The following IL7 variants were observed in gnomAD, a reference collection of about 807,000 sequenced individuals.
IL7 encodes interleukin-7.
In IL7, 3 loss-of-function variants were observed where a neutral mutation model predicts 21.6. That is an observed-to-expected ratio of 0.14 (90% CI 0.06 to 0.36). The LOEUF is 0.36. IL7 is among the 10% of genes least tolerant of loss of function. IL7 has a pLI of 1.00. For missense variants in IL7, 175 were observed against 200.2 expected (o/e 0.87, Z 0.76); for synonymous variants, 62 against 68.1 (o/e 0.91, Z 0.44).
intron 2 of IL7, among the ~76,000 whole-genome samples, chr8:78,795,456 A>G (rs1343640433): frequency 6.6e-6 from 1 of 152,034 alleles, no homozygotes; most frequent in African/African-American, 2.4e-5. Context: ...TAAGAAGAGT[A>G]GCCATGTTTT....
intron 2 of IL7, among the ~76,000 whole-genome samples, chr8:78,771,923 C>T (rs1231075967): frequency 1.3e-5 from 2 of 152,108 alleles, no homozygotes; most frequent in African/African-American, 4.8e-5. Context: ...CCTCTCTTAA[C>T]TGAGATTTTT....
chr8:78,694,642 A>G (rs982797986), intron 3 of IL7, among the ~76,000 whole-genome samples: 1 of 152,064 alleles, frequency 6.6e-6, no homozygotes, highest in Admixed American at 6.5e-5. Flanking sequence ...TTTCCTGAGC[A>G]TTTTTAGTTG....
chr8:78,793,269 G>C (rs1181398558), intron 2 of IL7, among the ~76,000 whole-genome samples: 1 of 152,054 alleles, frequency 6.6e-6, no homozygotes, highest in Admixed American at 6.6e-5. Context: ...CTGCTAATGG[G>C]TAGAATATTT....
rs577618695 is a variant in IL7, at chr8:78,738,175, T to A, written c.360+329A>T. On this transcript the variant is annotated intron_variant, in intron 4 of 5. Transcript: ENST00000263851. ...TCTTGTAAATGTGTACATATATGGATTAAAGCTATTAATAAGTTTTAGATA... is the reference window on the plus strand; with the variant it reads ...TCTTGTAAATGTGTACATATATGGAATAAAGCTATTAATAAGTTTTAGATA... 5.3e-5 allele frequency among the ~76,000 whole-genome samples: 8 copies of A among 152,314 alleles called. No homozygotes were observed. The South Asian group carries it at 8.3e-4, about 16-fold the overall frequency.
At chr8:78,782,207 A>T (rs1813355995) in intron 2 of IL7, among the ~76,000 whole-genome samples, 1 of 152,136 alleles carries the variant, frequency 6.6e-6, no homozygotes, top group Non-Finnish European at 1.5e-5. Flanking sequence ...TCTGAAGCCT[A>T]CTTCTGCCAG....
chr8:78,687,802 AT>A (rs1483967096), intron 3 of IL7, among the ~76,000 whole-genome samples: 7 of 136,268 alleles, frequency 5.1e-5, no homozygotes, highest in African/African-American at 1.6e-4. Flanking sequence ...CATTATATAT[AT>A]TCATGTAATA....
At chr8:78,687,612 TTA>T (rs1281174211) in intron 3 of IL7, among the ~76,000 whole-genome samples, 3 of 135,558 alleles carry the variant, frequency 2.2e-5, no homozygotes, top group African/African-American at 2.7e-5. Flanking sequence ...ACATAATACA[TTA>T]TATATATTTA....
At chr8:78,743,625 G>C (rs1811874849) in intron 2 of IL7, among the ~76,000 whole-genome samples, 1 of 152,032 alleles carries the variant, frequency 6.6e-6, no homozygotes, top group South Asian at 2.1e-4. Flanking sequence ...CCTATCAGGA[G>C]GATTAAGTAC....
intron 3 of IL7, chr8:78,686,710 G>A: frequency 4.1e-6 from 5 of 1,217,126 alleles, no homozygotes; most frequent in Non-Finnish European, 5.3e-6. Context: ...ATCATGGAGT[G>A]TTATGAGGCA....
chr8:78,697,420 C>A, intron 3 of IL7: 1 of 1,598,328 alleles, frequency 6.3e-7, no homozygotes, highest in Non-Finnish European at 8.5e-7. Flanking sequence ...AAGCCACCCG[C>A]ACTTAAAAAG....
chr8:78,693,622 C>T (rs1387274930), intron 3 of IL7, among the ~76,000 whole-genome samples: 2 of 151,982 alleles, frequency 1.3e-5, no homozygotes, highest in African/African-American at 2.4e-5. Context: ...ATTGTAGATT[C>T]TGGATATTAG....
intron 1 of IL7, 64 bp from the exon 2 acceptor site, chr8:78,798,272 T>G: frequency 8.7e-7 from 1 of 1,154,160 alleles, no homozygotes; most frequent in Non-Finnish European, 1.2e-6. Context: ...ATTGTGGGGT[T>G]TCAATGGACT....
At chr8:78,760,666 A>G in intron 2 of IL7, 2 of 1,594,368 alleles carry the variant, frequency 1.3e-6, no homozygotes, top group South Asian at 2.2e-5. Flanking sequence ...TAAGTTCCTG[A>G]ATAATGTGCT....
intron 3 of IL7, chr8:78,689,238 A>G (rs757419307): frequency 2.5e-6 from 4 of 1,577,792 alleles, no homozygotes; most frequent in South Asian, 2.4e-5. Flanking sequence ...TTCAATGTCC[A>G]TATTGTCAGA....
Position 78,755,369 on chromosome 8 carries a change from AT to A in IL7, c.148-15288del, listed in dbSNP as rs1168468034. On this transcript the variant is annotated intron_variant, in intron 2 of 5. Transcript: ENST00000263851. ...TTTTTCTCTTTCTGTGAAAAATGTC[AT>A]TGGTATTATGATAGGGATTGCATTA... 3.9e-5 allele frequency among the ~76,000 whole-genome samples: 6 copies of A among 152,090 alleles called. 1 individual carries two copies. In the South Asian group the frequency reaches 6.2e-4, roughly 16 times the overall value.
chr8:78,682,975 A>G (rs1166910079), intron 4 of IL7, among the ~76,000 whole-genome samples: 1 of 152,232 alleles, frequency 6.6e-6, no homozygotes, highest in East Asian at 1.9e-4. Flanking sequence ...TAAAGCTCTG[A>G]AACGATCTCC....
At chr8:78,715,270 C>T (rs139814140), downstream of IL7, 2,434 of 1,613,876 alleles carry the variant, frequency 1.5e-3, 5 homozygotes, top group Non-Finnish European at 1.9e-3. Flanking sequence ...GGCAAGAAAT[C>T]CTGCCCCAGG....
rs145124623 is a variant in IL7, at chr8:78,789,188, A to G, written c.147+8884T>C. On this transcript the variant is annotated intron_variant, in intron 2 of 5. Transcript: ENST00000263851. Reference sequence around the variant, plus strand: ...CTCAGGCAGTCTCTATCTTTTAATTAGTCTATTTTTCTTTAATTTTTATAA... The same window carrying G: ...CTCAGGCAGTCTCTATCTTTTAATTGGTCTATTTTTCTTTAATTTTTATAA... Among the ~76,000 whole-genome samples, 47 of 152,246 alleles carry G rather than the reference A, an allele frequency of 3.1e-4. 1 individual carries two copies. The East Asian group carries it at 8.9e-3, about 29-fold the overall frequency.
At chr8:78,714,683 C>A (rs16906023), downstream of IL7, among the ~76,000 whole-genome samples, 8 of 152,194 alleles carry the variant, frequency 5.3e-5, no homozygotes, top group Non-Finnish European at 8.8e-5. Context: ...TTTCGGATAG[C>A]CCAGGCTGTG....
Sources: gnomAD v4.1 joint callset for allele counts (sites outside exome capture counted in the v4.1 genomes callset) on GRCh38, gnomAD v4.1.1 for gene constraint, MANE v1.5 for transcripts, NCBI Gene and HGNC (gene_info 2026-07-23, HGNC 2026-07-21) for gene names.